Variants in CCND3 observed in about 807,000 individuals in gnomAD.
The protein encoded by CCND3 is cyclin D3.
Under a neutral mutation model 28.7 loss-of-function variants are expected in CCND3, and 9 were observed. The observed-to-expected ratio is 0.31, with a 90% CI of 0.19 to 0.55. The LOEUF (loss-of-function observed/expected upper bound fraction) is 0.55. CCND3 is among the 20% of genes least tolerant of loss of function. The pLI is 0.93. For missense variants in CCND3, 315 were observed against 385.8 expected (o/e 0.82, Z 1.54); for synonymous variants, 164 against 163.9 (o/e 1.00, Z 0.00).
At chr6:42,000,615 T>C (rs912386925) in intron 1 of CCND3, among the ~76,000 whole-genome samples, 2 of 133,866 alleles carry the variant, frequency 1.5e-5, no homozygotes, top group Non-Finnish European at 3.1e-5. Context: ...TTGCCCAGGC[T>C]GGAGCGCAAT....
At chr6:41,997,737 T>C (rs1211536111) in intron 1 of CCND3, among the ~76,000 whole-genome samples, 1 of 151,974 alleles carries the variant, frequency 6.6e-6, no homozygotes, top group African/African-American at 2.4e-5. Context: ...AACCCAGTTA[T>C]GGCATGAGAA....
intron 1 of CCND3, among the ~76,000 whole-genome samples, chr6:42,022,760 C>T (rs575346647): frequency 6.6e-6 from 1 of 152,174 alleles, no homozygotes; most frequent in African/African-American, 2.4e-5. Context: ...GGGGAAGTAG[C>T]GTAAGGGGAA....
intron 1 of CCND3, among the ~76,000 whole-genome samples, chr6:42,041,017 T>G (rs1764357564): frequency 6.6e-6 from 1 of 152,158 alleles, no homozygotes; most frequent in Non-Finnish European, 1.5e-5. Flanking sequence ...CCCTGGCACA[T>G]GGAAGTGTTG....
chr6:42,027,232 G>T (rs1198359602), intron 1 of CCND3, among the ~76,000 whole-genome samples: 3 of 152,098 alleles, frequency 2.0e-5, no homozygotes, highest in Non-Finnish European at 4.4e-5. Flanking sequence ...GAGGTCAGGG[G>T]ATCGAGACCA....
At chr6:41,954,250 TAAAAAA>T (rs34556754) in intron 1 of CCND3, among the ~76,000 whole-genome samples, 13,586 of 35,092 alleles carry the variant, frequency 0.39, 2,063 homozygotes, top group South Asian at 0.62. Context: ...GATTCTGCCT[TAAAAAA>T]AAAAAAAAAA....
In CCND3 at chr6:42,026,209, C is replaced by T. The variant is rs553498690; in HGVS notation, c.-46+22292G>A. On this transcript the variant is annotated intron_variant, in intron 1 of 4. Transcript: ENST00000372988. ...CTCACATTACATTTGACCTTCTCAA[C>T]GACCTCTCTAAGGGATGGAGACATG... Among the ~76,000 whole-genome samples the T allele has an allele frequency of 2.3e-4, 35 of 152,260 alleles. 1 individual carries two copies. In the South Asian group the frequency reaches 6.2e-3, roughly 27 times the overall value.
intron 1 of CCND3, among the ~76,000 whole-genome samples, chr6:41,977,549 T>C (rs549213530): frequency 6.6e-6 from 1 of 152,240 alleles, no homozygotes; most frequent in Admixed American, 6.5e-5. Context: ...GTATTTTTAG[T>C]AGAGACGGGG....
intron 2 of CCND3, 140 bp from the exon 3 acceptor site, chr6:41,937,534 G>T: frequency 1.0e-6 from 1 of 992,066 alleles, no homozygotes; most frequent in Non-Finnish European, 1.5e-6. Flanking sequence ...TGATTTTAAG[G>T]CCGGGCACCA....
At chr6:42,040,659 C>G (rs1031456612) in intron 1 of CCND3, among the ~76,000 whole-genome samples, 4 of 152,016 alleles carry the variant, frequency 2.6e-5, no homozygotes, top group African/African-American at 9.7e-5. Context: ...CCAGACCAGA[C>G]TGGCCAACAT....
intron 1 of CCND3, among the ~76,000 whole-genome samples, chr6:42,032,211 G>T (rs1356568208): frequency 6.6e-6 from 1 of 152,122 alleles, no homozygotes; most frequent in Non-Finnish European, 1.5e-5. Context: ...TCAGCCTCCT[G>T]GGTAGCTAGG....
intron 1 of CCND3, among the ~76,000 whole-genome samples, chr6:41,963,605 A>C (rs1761778170): frequency 6.6e-6 from 1 of 152,248 alleles, no homozygotes; most frequent in African/African-American, 2.4e-5. Flanking sequence ...ACAGGAGGCC[A>C]AACTCCAATC....
At chr6:41,964,381 AGTGTGTGT>A (rs574333067) in intron 1 of CCND3, among the ~76,000 whole-genome samples, 2 of 114,928 alleles carry the variant, frequency 1.7e-5, no homozygotes, top group South Asian at 5.3e-4. Context: ...AATGTGTGTG[AGTGTGTGT>A]GTGCATGTGT....
At chr6:41,998,564 G>A (rs1289358468) in intron 1 of CCND3, among the ~76,000 whole-genome samples, 1 of 151,896 alleles carries the variant, frequency 6.6e-6, no homozygotes, top group East Asian at 2.0e-4. Flanking sequence ...CTGACCTCAG[G>A]TGATCCGCCT....
intron 1 of CCND3, among the ~76,000 whole-genome samples, chr6:41,978,743 A>G (rs572316592): frequency 1.3e-5 from 2 of 152,232 alleles, no homozygotes; most frequent in African/African-American, 4.8e-5. Flanking sequence ...TACTCTAAAT[A>G]TTACTATTGG....
intron 1 of CCND3, among the ~76,000 whole-genome samples, chr6:41,992,673 T>C (rs1055679926): frequency 3.3e-5 from 5 of 151,662 alleles, no homozygotes; most frequent in African/African-American, 1.2e-4. Flanking sequence ...GGTCTCGAAC[T>C]CCTGACCTTG....
chr6:41,999,870 G>A (rs1290647429), intron 1 of CCND3, among the ~76,000 whole-genome samples: 1 of 152,148 alleles, frequency 6.6e-6, no homozygotes, highest in Non-Finnish European at 1.5e-5. Context: ...CAGCCTGGGA[G>A]ACAGAATGAG....
chr6:41,947,625 T>C (rs1776202535), intron 1 of CCND3, among the ~76,000 whole-genome samples: 1 of 152,208 alleles, frequency 6.6e-6, no homozygotes, highest in Non-Finnish European at 1.5e-5. Context: ...CTACTCTTTT[T>C]TTCCTCCTCT....
Position 41,936,274 on chromosome 6 carries a change from G to A in CCND3, c.712-167C>T. ...TCTCAGAAACTAGCAAGAGGATGTG[G>A]CAAGGGAGTGTGAGAGCAGCCCTGC... is the stretch of plus-strand genomic sequence containing the variant. On this transcript the variant is annotated intron_variant, in intron 4 of 4. Transcript: ENST00000372991. This position sits in a 1 kb window ranked among gnomAD's most constrained non-coding sequence, Gnocchi z 4.4. 1.3e-6 allele frequency: 1 copy of A among 761,788 alleles called. No homozygotes were observed. Among genetic ancestry groups the A allele is most frequent in the Non-Finnish European group, 2.1e-6 (1 of 485,938 alleles). The allele number at this position is 761,788 out of a possible 1,614,324, so 47.2% of individuals were successfully genotyped here. A position where few individuals can be genotyped will look rare whatever the true frequency, so the allele number is the denominator to read the frequency against.
chr6:41,967,872 G>A (rs1330159479), intron 1 of CCND3, among the ~76,000 whole-genome samples: 1 of 152,182 alleles, frequency 6.6e-6, no homozygotes, highest in Non-Finnish European at 1.5e-5. Context: ...ATCCTTCAAG[G>A]TGGTTATTTA....
Sources: allele counts gnomAD v4.1 joint callset (sites outside exome capture counted in the v4.1 genomes callset), GRCh38; gene constraint gnomAD v4.1.1; non-coding constraint Gnocchi (gnomAD v3.1); transcripts MANE v1.5; gene names NCBI Gene and HGNC (gene_info 2026-07-23, HGNC 2026-07-21).